Variants in KHDRBS2 observed in about 807,000 individuals in gnomAD.
KHDRBS2 encodes the protein KH RNA binding domain containing, signal transduction associated 2, also known as KH domain-containing, RNA-binding, signal transduction-associated protein 2.
Under a neutral mutation model 44.3 loss-of-function variants are expected in KHDRBS2, and 26 were observed. The ratio of observed to expected loss-of-function variants is 0.59; its 90% CI spans 0.43 to 0.81. KHDRBS2 has a LOEUF of 0.81. Ranked by LOEUF, KHDRBS2 falls within the 40% of genes least tolerant of loss-of-function variation. The probability of loss-of-function intolerance (pLI) is 0.00; values close to 1 mark genes in which losing one functional copy is unlikely to be tolerated. For synonymous variants in KHDRBS2, 194 were observed against 151.1 expected (o/e 1.28, Z -2.08); for missense variants, 476 against 433.1 (o/e 1.10, Z -0.88).
chr6:61,688,833 G>T (rs989192442), intron 8 of KHDRBS2, among the ~76,000 whole-genome samples: 1 of 151,886 alleles, frequency 6.6e-6, no homozygotes, highest in Non-Finnish European at 1.5e-5. Flanking sequence ...CTGGTTACTG[G>T]GAGGTAAGCT....
At chr6:61,979,071 T>A (rs968941703) in intron 3 of KHDRBS2, among the ~76,000 whole-genome samples, 2 of 152,120 alleles carry the variant, frequency 1.3e-5, no homozygotes, top group African/African-American at 2.4e-5. Context: ...CAATATGTGA[T>A]CCATATATTT....
At chr6:62,226,144 A>G (rs1469863756) in intron 1 of KHDRBS2, among the ~76,000 whole-genome samples, 1 of 152,202 alleles carries the variant, frequency 6.6e-6, no homozygotes, top group African/African-American at 2.4e-5. Context: ...ACTAATTTAC[A>G]TTCCCATCAA....
intron 7 of KHDRBS2, among the ~76,000 whole-genome samples, chr6:61,713,269 A>G (rs1010984669): frequency 2.0e-5 from 3 of 151,728 alleles, no homozygotes; most frequent in Non-Finnish European, 4.4e-5. Context: ...GCAAAATAGC[A>G]AACCCTTAAT....
chr6:61,605,866 G>A, the KHDRBS2 span, among the ~76,000 whole-genome samples: 1 of 152,288 alleles, frequency 6.6e-6, no homozygotes, highest in East Asian at 1.9e-4. Flanking sequence ...TATCCCCTGT[G>A]ACTTCCATGT....
intron 6 of KHDRBS2, among the ~76,000 whole-genome samples, chr6:61,745,808 G>A (rs1776777167): frequency 6.6e-6 from 1 of 151,940 alleles, no homozygotes; most frequent in Non-Finnish European, 1.5e-5. Flanking sequence ...TTTATATAGT[G>A]CCTTGACGTT....
At chr6:62,185,098 A>C (rs1005926847) in intron 1 of KHDRBS2, among the ~76,000 whole-genome samples, 1 of 151,928 alleles carries the variant, frequency 6.6e-6, no homozygotes, top group Admixed American at 6.6e-5. Context: ...TGATGTTATT[A>C]TAACGATTAG....
the KHDRBS2 span, among the ~76,000 whole-genome samples, chr6:61,629,523 G>GC: frequency 6.6e-6 from 1 of 152,082 alleles, no homozygotes; most frequent in African/African-American, 2.4e-5. Context: ...AATAGAAAGA[G>GC]ACATACCTTG....
At chr6:62,178,950 C>T (rs1371466444) in intron 1 of KHDRBS2, among the ~76,000 whole-genome samples, 1 of 151,402 alleles carries the variant, frequency 6.6e-6, no homozygotes, top group Non-Finnish European at 1.5e-5. Flanking sequence ...TTGCATTTTA[C>T]AACAATTATC....
chr6:61,554,272 T>C, the KHDRBS2 span, among the ~76,000 whole-genome samples: 1 of 152,170 alleles, frequency 6.6e-6, no homozygotes, highest in Non-Finnish European at 1.5e-5. Flanking sequence ...TGTTTCATTT[T>C]TTTAAAATCT....
chr6:62,143,940 A>T (rs1813391778), intron 2 of KHDRBS2, among the ~76,000 whole-genome samples: 1 of 151,958 alleles, frequency 6.6e-6, no homozygotes, highest in South Asian at 2.1e-4. Flanking sequence ...CTTAATTCAG[A>T]TATTCAACAT....
rs376767136 is a variant in KHDRBS2 at position 62,238,868 on chromosome 6, A to G, written c.91+46990T>C. Among the ~76,000 whole-genome samples the G allele has an allele frequency of 2.0e-3, 307 of 152,272 alleles. 10 individuals are homozygous for G. In the South Asian group the frequency reaches 0.06, roughly 30 times the overall value. ...GAGCAATAATGTGCTTTCTCATGTG[A>G]TATCATGGGAGATTTATGGCTTATC... On this transcript the variant is annotated intron_variant, in intron 1 of 8. Coordinates refer to ENST00000281156, the MANE Select transcript of KHDRBS2 (RefSeq NM_152688.4).
At chr6:61,557,499 T>C in the KHDRBS2 span, among the ~76,000 whole-genome samples, 1 of 152,180 alleles carries the variant, frequency 6.6e-6, no homozygotes, top group Non-Finnish European at 1.5e-5. Context: ...TTTCATTGCC[T>C]TTCCTTTCTG....
At chr6:61,834,436 G>A (rs1792331218) in intron 6 of KHDRBS2, among the ~76,000 whole-genome samples, 4 of 152,034 alleles carry the variant, frequency 2.6e-5, no homozygotes, top group Non-Finnish European at 5.9e-5. Context: ...ATTAACAGCA[G>A]ATAAGATGAG....
chr6:61,967,357 T>G (rs376240721), intron 4 of KHDRBS2, among the ~76,000 whole-genome samples: 37 of 152,016 alleles, frequency 2.4e-4, no homozygotes, highest in African/African-American at 8.4e-4. Context: ...TGAAAGTGCT[T>G]GGAAATGTAA....
intron 6 of KHDRBS2, among the ~76,000 whole-genome samples, chr6:61,755,229 C>G (rs1169065229): frequency 6.6e-6 from 1 of 152,012 alleles, no homozygotes; most frequent in Non-Finnish European, 1.5e-5. Flanking sequence ...AATAGAATAT[C>G]TTGATATTTT....
At chr6:62,190,280 G>A (rs536895920) in intron 1 of KHDRBS2, among the ~76,000 whole-genome samples, 20 of 152,222 alleles carry the variant, frequency 1.3e-4, no homozygotes, top group Admixed American at 2.0e-4. Flanking sequence ...AAGATGCTGC[G>A]TATCTTTATA....
chr6:61,572,252 C>A, the KHDRBS2 span, among the ~76,000 whole-genome samples: 1 of 152,004 alleles, frequency 6.6e-6, no homozygotes, highest in Admixed American at 6.6e-5. Context: ...ATATCCAACT[C>A]TCCTAGATTA....
chr6:62,010,712 C>T (rs1225789671), intron 3 of KHDRBS2, among the ~76,000 whole-genome samples: 1 of 152,144 alleles, frequency 6.6e-6, no homozygotes, highest in Non-Finnish European at 1.5e-5. Context: ...TCTTTGCCTG[C>T]TGCCATCCAC....
intron 7 of KHDRBS2, among the ~76,000 whole-genome samples, chr6:61,700,859 G>A (rs1768543691): frequency 6.6e-6 from 1 of 151,684 alleles, no homozygotes; most frequent in Non-Finnish European, 1.5e-5. Flanking sequence ...AGATCACATG[G>A]AGCAGACTTA....
Sources: gnomAD v4.1 joint callset for allele counts (sites outside exome capture counted in the v4.1 genomes callset) on GRCh38, gnomAD v4.1.1 for gene constraint, MANE v1.5 for transcripts, NCBI Gene and HGNC (gene_info 2026-07-23, HGNC 2026-07-21) for gene names.